GPR132: variants seen among roughly 807,000 people sequenced by gnomAD.
The protein encoded by GPR132 is G protein-coupled receptor 132, also known as probable G protein-coupled receptor 132.
A neutral mutation model predicts 1.9 loss-of-function variants in GPR132; 4 were observed. The observed-to-expected ratio is 2.13, with a 90% CI of 1.05 to 4.87. The LOEUF (loss-of-function observed/expected upper bound fraction) is 4.87, where lower values mean the gene tolerates loss of function less well. Among genes scored for constraint, GPR132 ranks in the 30% most tolerant of loss-of-function variants. GPR132 has a pLI of 0.01. For synonymous variants in GPR132, 233 were observed against 234.2 expected, an observed-to-expected ratio of 0.99 and a Z score of 0.05; for missense variants, 404 against 512.5, an observed-to-expected ratio of 0.79 and a Z score of 2.04.
intron 3 of GPR132, chr14:105,054,427 CTTTTTTTT>C: frequency 1.2e-6 from 1 of 862,666 alleles, no homozygotes; most frequent in Non-Finnish European, 1.4e-6. Context: ...CTTTTTTTTT[CTTTTTTTT>C]TTTTTTGAGA....
intron 3 of GPR132, among the ~76,000 whole-genome samples, chr14:105,054,715 G>C (rs1410971595): frequency 6.7e-6 from 1 of 149,290 alleles, no homozygotes; most frequent in Non-Finnish European, 1.5e-5. Flanking sequence ...ACAGGTGTGA[G>C]CCACCATGCC....
rs946035856 is a variant in GPR132, at chr14:105,057,211, A to G, written c.-791T>C. 2 of 1,492,152 alleles carry G rather than the reference A, an allele frequency of 1.3e-6. No individual in the cohort carries two copies. The highest frequency in any genetic ancestry group is 1.7e-4 in the Middle Eastern group (1 of 5,898). 92.4% of individuals were successfully genotyped at this position (1,492,152 alleles called of 1,614,324 possible). ...CCAATCTCAGTGTGGCTCTAAGATA[A>G]GCTTTCTAAGTACATGTCATGCGTC... On this transcript the variant is annotated 5_prime_UTR_variant, in exon 2 of 4. Coordinates refer to ENST00000329797, the MANE Select transcript of GPR132 (RefSeq NM_013345.4).
In GPR132 at chr14:105,065,359, C is replaced by G. The variant is rs1052629076; in HGVS notation, c.-861+20G>C. 3 of 152,300 alleles carry G rather than the reference C, an allele frequency of 2.0e-5. No homozygotes were observed. The highest frequency in any genetic ancestry group is 2.9e-5 in the Non-Finnish European group (2 of 68,124). 9.4% of individuals were successfully genotyped at this position (152,300 alleles called of 1,614,324 possible). ...GGCCCCCCAGGCCCACTCCCCAGCACGCAGAGCCCAGCGACTTACCCAGGG... is the reference window on the plus strand; with the variant it reads ...GGCCCCCCAGGCCCACTCCCCAGCAGGCAGAGCCCAGCGACTTACCCAGGG... On this transcript the variant is annotated intron_variant, in intron 1 of 3. Coordinates refer to ENST00000329797, the MANE Select transcript of GPR132 (RefSeq NM_013345.4).
In GPR132 at chr14:105,056,002, C is replaced by T. The variant is rs1044994402; in HGVS notation, c.-582G>A. ...CCACAGTTGGCATTGCTGGATCTCACGGCAGTTCCGTCTCATCTCGTGGGG... is the reference window on the plus strand; with the variant it reads ...CCACAGTTGGCATTGCTGGATCTCATGGCAGTTCCGTCTCATCTCGTGGGG... On this transcript the variant is annotated 5_prime_UTR_variant, in exon 3 of 4. The change creates a new upstream start codon in the 5' untranslated region. Coordinates refer to ENST00000329797, the MANE Select transcript of GPR132 (RefSeq NM_013345.4). The surrounding 1 kb of genome is among the most constrained non-coding windows in gnomAD (Gnocchi z 6.0). 4 of 274,614 alleles carry T rather than the reference C, an allele frequency of 1.5e-5. No individual in the cohort carries two copies. The highest frequency in any genetic ancestry group is 2.2e-5 in the Non-Finnish European group (4 of 179,760). The allele number at this position is 274,614 out of a possible 1,614,324, so 17.0% of individuals were successfully genotyped here. A position where few individuals can be genotyped will look rare whatever the true frequency, so the allele number is the denominator to read the frequency against.
chr14:105,064,049 C>T (rs57029322), intron 1 of GPR132, among the ~76,000 whole-genome samples: 2 of 150,932 alleles, frequency 1.3e-5, no homozygotes, highest in African/African-American at 2.4e-5. Context: ...ATATTGGTTA[C>T]GCTGGTCTCG....
Position 105,051,591 on chromosome 14 carries a change from G to C in GPR132, c.546C>G (p.Asp182Glu), listed in dbSNP as rs200733740. The C allele has an allele frequency of 6.2e-7, 1 of 1,614,032 alleles. No homozygotes were observed. Among genetic ancestry groups the C allele is most frequent in the Non-Finnish European group, 8.5e-7 (1 of 1,180,044 alleles). Residue 182 changes from aspartate (D) to glutamate (E), a missense_variant, in exon 4 of 4, where the codon GAC (aspartate) becomes GAG (glutamate). Transcript: ENST00000329797. This position sits in a 1 kb window ranked among gnomAD's most constrained non-coding sequence, Gnocchi z 8.0. Reference protein sequence around the residue: ...IVHYPVFQTEDKETCFDMLQM... With the variant: ...IVHYPVFQTEEKETCFDMLQM... ...GCAGCATGTCAAAGCAGGTCTCCTT[G>C]TCTTCCGTCTGGAACACCGGGTAGT...
In GPR132 at chr14:105,056,158, C is replaced by A. The variant is rs983452690; in HGVS notation, c.-738G>T. 3.4e-5 allele frequency: 34 copies of A among 986,228 alleles called. No individual in the cohort carries two copies. Among genetic ancestry groups the A allele is most frequent in the Non-Finnish European group, 3.9e-5 (32 of 830,380 alleles). 61.1% of individuals were successfully genotyped at this position (986,228 alleles called of 1,614,324 possible). On this transcript the variant is annotated 5_prime_UTR_variant, in exon 3 of 4. Coordinates refer to ENST00000329797, the MANE Select transcript of GPR132 (RefSeq NM_013345.4). This position sits in a 1 kb window ranked among gnomAD's most constrained non-coding sequence, Gnocchi z 6.0. ...GGGTGAGTGTCGTGTCCCTTGCTCA[C>A]CTTCCTCCCTGGGCAGAGGGAGAGA...
intron 1 of GPR132, among the ~76,000 whole-genome samples, chr14:105,062,575 C>A (rs1234569369): frequency 3.6e-5 from 4 of 112,636 alleles, no homozygotes; most frequent in Non-Finnish European, 6.8e-5. Context: ...GAGTCTTGCT[C>A]TGTTGCCCAG....
In GPR132 at chr14:105,050,447, AC is replaced by A. The variant is rs1886602015; in HGVS notation, c.*546del. Reference sequence around the variant, plus strand: ...CTAGAGGCCCTCCAGCTCAGCACAGACCCAACCCCAGATGAGGGCGCCTGCC... The same window carrying A: ...CTAGAGGCCCTCCAGCTCAGCACAGACCAACCCCAGATGAGGGCGCCTGCC... On this transcript the variant is annotated 3_prime_UTR_variant, in exon 4 of 4. Transcript: ENST00000329797. The surrounding 1 kb of genome is among the most constrained non-coding windows in gnomAD (Gnocchi z 4.0). 1 of 159,524 alleles carries A rather than the reference AC, an allele frequency of 6.3e-6. No homozygotes were observed. The allele number at this position is 159,524 out of a possible 1,614,324, so 9.9% of individuals were successfully genotyped here. A position where few individuals can be genotyped will look rare whatever the true frequency, so the allele number is the denominator to read the frequency against.
rs1017883398 is a variant in GPR132 at position 105,056,078 on chromosome 14, C to T, written c.-658G>A. 8.8e-5 allele frequency: 83 copies of T among 938,380 alleles called. No individual in the cohort carries two copies. The highest frequency in any genetic ancestry group is 1.2e-4 in the East Asian group (1 of 8,574). The allele number at this position is 938,380 out of a possible 1,614,324, so 58.1% of individuals were successfully genotyped here. On this transcript the variant is annotated 5_prime_UTR_variant, in exon 3 of 4. Coordinates refer to ENST00000329797, the MANE Select transcript of GPR132 (RefSeq NM_013345.4). The surrounding 1 kb of genome is among the most constrained non-coding windows in gnomAD (Gnocchi z 6.0). Reference sequence around the variant, plus strand: ...GTGGCGCTGGCCCACCTTCCCCCGGCGGTGTGCAGGGCTCCGGTCTCCCCA... The same window carrying T: ...GTGGCGCTGGCCCACCTTCCCCCGGTGGTGTGCAGGGCTCCGGTCTCCCCA...
In GPR132 at chr14:105,051,728, A is replaced by C. The variant is rs1162145061; in HGVS notation, c.409T>G (p.Ser137Ala). 7 of 1,613,980 alleles carry C rather than the reference A, an allele frequency of 4.3e-6. No individual in the cohort carries two copies. The highest frequency in any genetic ancestry group is 5.9e-6 in the Non-Finnish European group (7 of 1,180,050). Reference sequence around the variant, plus strand: ...ACCACGGCCACGAAGCGGTCGCAGGAGATGCAGCACAGGAAGAGGATGCTG... The same window carrying C: ...ACCACGGCCACGAAGCGGTCGCAGGCGATGCAGCACAGGAAGAGGATGCTG... The part of the protein sequence containing the change: ...YVSILFLCCI[S>A]CDRFVAVVYA... The change falls in exon 4 of 4, where the codon TCC (serine) becomes GCC (alanine). Residue 137 changes from serine to alanine, a missense_variant. Physicochemically the swap from Ser to Ala is moderately conservative, Grantham distance 99. Transcript: ENST00000329797. The surrounding 1 kb of genome is among the most constrained non-coding windows in gnomAD (Gnocchi z 8.0).
chr14:105,057,207 G>C lies in GPR132; in HGVS notation c.-787C>G, dbSNP rs895737536. 1 of 1,510,806 alleles carries C rather than the reference G, an allele frequency of 6.6e-7. No individual in the cohort carries two copies. The highest frequency in any genetic ancestry group is 1.4e-5 in the African/African-American group (1 of 72,540). 93.6% of individuals were successfully genotyped at this position (1,510,806 alleles called of 1,614,324 possible). A position where few individuals can be genotyped will look rare whatever the true frequency, so the allele number is the denominator to read the frequency against. ...GGTTCCAATCTCAGTGTGGCTCTAAGATAAGCTTTCTAAGTACATGTCATG... is the reference window on the plus strand; with the variant it reads ...GGTTCCAATCTCAGTGTGGCTCTAACATAAGCTTTCTAAGTACATGTCATG... On this transcript the variant is annotated 5_prime_UTR_variant, in exon 2 of 4. It adds an upstream start codon to the 5' untranslated region. Transcript: ENST00000329797.
intron 3 of GPR132, chr14:105,054,002 G>T: frequency 1.6e-6 from 2 of 1,276,924 alleles, no homozygotes; most frequent in Non-Finnish European, 2.0e-6. Flanking sequence ...GTCACGCAGG[G>T]TGTGCAGTGG....
intron 1 of GPR132, among the ~76,000 whole-genome samples, chr14:105,064,494 C>T (rs377433343): frequency 6.6e-5 from 10 of 152,158 alleles, no homozygotes; most frequent in South Asian, 2.1e-4. Flanking sequence ...CCAACACGCC[C>T]GGCTAATTTT....
At chr14:105,061,819 G>A (rs1226121817) in intron 1 of GPR132, among the ~76,000 whole-genome samples, 1 of 152,222 alleles carries the variant, frequency 6.6e-6, no homozygotes, top group African/African-American at 2.4e-5. Context: ...TGGCCCACCA[G>A]TGGGGCTCCT....
chr14:105,050,892 C>T lies in GPR132; in HGVS notation c.*102G>A, dbSNP rs995706786. 1 of 1,091,762 alleles carries T rather than the reference C, an allele frequency of 9.2e-7. No individual in the cohort carries two copies. The highest frequency in any genetic ancestry group is 1.6e-5 in the African/African-American group (1 of 64,084). The allele number at this position is 1,091,762 out of a possible 1,614,324, so 67.6% of individuals were successfully genotyped here. A position where few individuals can be genotyped will look rare whatever the true frequency, so the allele number is the denominator to read the frequency against. On this transcript the variant is annotated 3_prime_UTR_variant, in exon 4 of 4. Transcript: ENST00000329797. This position sits in a 1 kb window ranked among gnomAD's most constrained non-coding sequence, Gnocchi z 4.0. The stretch of plus-strand genomic sequence containing the variant: ...GAACGAGAAATTGGTAGTTTGTCTT[C>T]CAGAGGGGACATGGGCACTGTGGCT...
In GPR132 at chr14:105,060,487, T is replaced by C. The variant is rs548533542; in HGVS notation, c.-860-3207A>G. Among the ~76,000 whole-genome samples, 13 of 152,282 alleles carry C rather than the reference T, an allele frequency of 8.5e-5. No homozygotes were observed. The highest frequency in any genetic ancestry group is 7.8e-4 in the Admixed American group (12 of 15,300). On this transcript the variant is annotated intron_variant, in intron 1 of 3. Transcript: ENST00000329797. This position sits in a 1 kb window ranked among gnomAD's most constrained non-coding sequence, Gnocchi z 6.3. The stretch of plus-strand genomic sequence containing the variant: ...TCCTCAGCTGCCGAGTCCCCTTCAG[T>C]GGCCCTAGAAGCCCACATACTCTTG...
Position 105,059,020 on chromosome 14 carries a change from C to A in GPR132, c.-860-1740G>T, listed in dbSNP as rs1052820164. Among the ~76,000 whole-genome samples, 4 of 152,356 alleles carry A rather than the reference C, an allele frequency of 2.6e-5. No individual in the cohort carries two copies. The highest frequency in any genetic ancestry group is 2.1e-4 in the South Asian group (1 of 4,828). On this transcript the variant is annotated intron_variant, in intron 1 of 3. Transcript: ENST00000329797. This position sits in a 1 kb window ranked among gnomAD's most constrained non-coding sequence, Gnocchi z 4.2. ...GCTGCCTCACTAGCTCCAATCCTGC[C>A]TCCCTGGTGCCAGGCCCAACCCCCA... is the stretch of plus-strand genomic sequence containing the variant.
intron 3 of GPR132, chr14:105,054,440 T>TC: frequency 1.0e-6 from 1 of 977,374 alleles, no homozygotes; most frequent in Non-Finnish European, 1.2e-6. Flanking sequence ...TTTTTTTTTT[T>TC]TGAGACGTAG....
Sources: gnomAD v4.1 joint callset for allele counts (sites outside exome capture counted in the v4.1 genomes callset) on GRCh38, gnomAD v4.1.1 for gene constraint, Gnocchi (gnomAD v3.1) non-coding constraint, MANE v1.5 for transcripts, NCBI Gene and HGNC (gene_info 2026-07-23, HGNC 2026-07-21) for gene names.